The following DOCK10 variants were observed in gnomAD, a reference collection of about 807,000 sequenced individuals.
DOCK10 encodes dedicator of cytokinesis 10.
Under a neutral mutation model 280.1 loss-of-function variants are expected in DOCK10, and 145 were observed. The ratio of observed to expected loss-of-function variants is 0.52; its 90% CI spans 0.45 to 0.59. The LOEUF (loss-of-function observed/expected upper bound fraction) is 0.59. Ranked by LOEUF, DOCK10 falls within the 20% of genes least tolerant of loss-of-function variation. The probability of loss-of-function intolerance (pLI) is 0.00; values close to 1 mark genes in which losing one functional copy is unlikely to be tolerated. For missense variants in DOCK10, 2,368 were observed against 2,651.7 expected, an observed-to-expected ratio of 0.89 and a Z score of 2.35; for synonymous variants, 915 against 942.2, an observed-to-expected ratio of 0.97 and a Z score of 0.53.
intron 28 of DOCK10, 77 bp from the exon 29 acceptor site, chr2:224,819,606 A>T: frequency 1.1e-6 from 1 of 931,850 alleles, no homozygotes; most frequent in Admixed American, 2.7e-5. Context: ...ATGATTAAAT[A>T]TATTGAAGTA....
intron 1 of DOCK10, among the ~76,000 whole-genome samples, chr2:224,936,803 C>T (rs999459642): frequency 2.0e-5 from 3 of 152,056 alleles, no homozygotes; most frequent in African/African-American, 7.2e-5. Flanking sequence ...ACATGTATTG[C>T]TTTCCTCGTG....
intron 1 of DOCK10, among the ~76,000 whole-genome samples, chr2:225,023,019 A>G (rs1689823829): frequency 6.6e-6 from 1 of 152,142 alleles, no homozygotes; most frequent in Admixed American, 6.5e-5. Flanking sequence ...TAAATTAAAC[A>G]AATTTCCTCC....
intron 2 of DOCK10, among the ~76,000 whole-genome samples, chr2:224,926,662 T>C (rs930160413): frequency 1.3e-5 from 2 of 152,224 alleles, no homozygotes; most frequent in African/African-American, 2.4e-5. Context: ...TAAGGTGATA[T>C]GTTGAGTTGA....
rs566124628 is a variant in DOCK10, at chr2:225,039,244, T to G, written c.123+3008A>C. On this transcript the variant is annotated intron_variant, in intron 1 of 55. Coordinates refer to ENST00000258390, the MANE Select transcript of DOCK10 (RefSeq NM_014689.3). ...CTCCAGTTCTGATATGAGACAAATGTTTCTAATCATTTTCGGGCTGAAATT... is the reference window on the plus strand; with the variant it reads ...CTCCAGTTCTGATATGAGACAAATGGTTCTAATCATTTTCGGGCTGAAATT... 2.0e-5 allele frequency among the ~76,000 whole-genome samples: 3 copies of G among 152,328 alleles called. 1 individual carries two copies. In the East Asian group the frequency reaches 5.8e-4, roughly 29 times the overall value.
intron 25 of DOCK10, among the ~76,000 whole-genome samples, chr2:224,834,651 C>A (rs1033421008): frequency 6.6e-6 from 1 of 152,150 alleles, no homozygotes; most frequent in Non-Finnish European, 1.5e-5. Flanking sequence ...ACTCAAATAG[C>A]CAAGTGGGGA....
At chr2:224,961,678 T>C (rs1341710743) in intron 1 of DOCK10, among the ~76,000 whole-genome samples, 1 of 151,794 alleles carries the variant, frequency 6.6e-6, no homozygotes, top group East Asian at 1.9e-4. Flanking sequence ...AGCTAATTTT[T>C]GTATTTTTAG....
chr2:224,782,245 C>T (rs186430375), intron 50 of DOCK10, among the ~76,000 whole-genome samples: 253 of 152,306 alleles, frequency 1.7e-3, no homozygotes, highest in Non-Finnish European at 2.9e-3. Context: ...CTCCCCCAAA[C>T]TCCTTTTTTA....
intron 3 of DOCK10, among the ~76,000 whole-genome samples, chr2:224,896,581 G>C (rs1700000692): frequency 6.6e-6 from 1 of 152,110 alleles, no homozygotes; most frequent in Admixed American, 6.5e-5. Context: ...GCCGGGCCTG[G>C]TGGCGGGTGC....
chr2:224,883,533 T>G (rs538577147), intron 7 of DOCK10, among the ~76,000 whole-genome samples: 36 of 152,198 alleles, frequency 2.4e-4, no homozygotes, highest in Non-Finnish European at 4.4e-4. Flanking sequence ...AAATACACTA[T>G]CTCCCAGTTC....
At chr2:224,903,228 C>A (rs1299678283) in intron 3 of DOCK10, among the ~76,000 whole-genome samples, 4 of 152,240 alleles carry the variant, frequency 2.6e-5, no homozygotes, top group Non-Finnish European at 2.9e-5. Context: ...TCAGAAATCA[C>A]AGCACGATCT....
intron 14 of DOCK10, chr2:224,861,297 T>C (rs1012957728): frequency 2.0e-5 from 3 of 152,238 alleles, no homozygotes; most frequent in Non-Finnish European, 4.4e-5. Context: ...GCACTTGAGA[T>C]TGCACATACT....
At chr2:224,851,106 C>A (rs1696699427) in intron 18 of DOCK10, among the ~76,000 whole-genome samples, 1 of 152,132 alleles carries the variant, frequency 6.6e-6, no homozygotes. Context: ...CTATTCTGTC[C>A]AGCCCCAAAT....
intron 50 of DOCK10, among the ~76,000 whole-genome samples, chr2:224,781,563 A>C (rs1691339420): frequency 6.6e-6 from 1 of 152,224 alleles, no homozygotes; most frequent in African/African-American, 2.4e-5. Context: ...TGATTTACAA[A>C]CAGGGACACA....
intron 1 of DOCK10, among the ~76,000 whole-genome samples, chr2:225,001,897 C>G (rs1252312550): frequency 6.6e-6 from 1 of 152,148 alleles, no homozygotes; most frequent in Non-Finnish European, 1.5e-5. Context: ...AGGGCTCTGC[C>G]CTCATGACCT....
intron 30 of DOCK10, 63 bp downstream of exon 30, chr2:224,816,554 A>G (rs1269210455): frequency 2.0e-6 from 2 of 1,007,000 alleles, no homozygotes; most frequent in South Asian, 1.4e-5. Flanking sequence ...AACAAAAGGT[A>G]AAACGAACAA....
intron 1 of DOCK10, among the ~76,000 whole-genome samples, chr2:225,011,051 G>T (rs1215690310): frequency 6.6e-6 from 1 of 152,230 alleles, no homozygotes; most frequent in Admixed American, 6.5e-5. Context: ...AACAAGTCAT[G>T]AGTTTTCTGA....
intron 3 of DOCK10, among the ~76,000 whole-genome samples, chr2:224,912,987 G>C (rs762056729): frequency 1.3e-5 from 2 of 151,940 alleles, no homozygotes; most frequent in Non-Finnish European, 2.9e-5. Flanking sequence ...GATCGTGCCA[G>C]TGCTCTCCAG....
rs758537778 is a variant in DOCK10, at chr2:224,795,105, G to T, written c.4939-11C>A. The T allele has an allele frequency of 1.2e-6, 2 of 1,611,772 alleles. No individual in the cohort carries two copies. The highest frequency in any genetic ancestry group is 1.7e-6 in the Non-Finnish European group (2 of 1,178,008). On this transcript the variant is annotated splice_polypyrimidine_tract_variant and intron_variant, in intron 44 of 55. Transcript: ENST00000258390. ...TGGGAAATTGCTGTTCTTTGGAAAAGAGAGAGCCTGGGTCATTATCTGTTT... is the reference window on the plus strand; with the variant it reads ...TGGGAAATTGCTGTTCTTTGGAAAATAGAGAGCCTGGGTCATTATCTGTTT...
intron 1 of DOCK10, among the ~76,000 whole-genome samples, chr2:224,977,692 A>G (rs1317640119): frequency 6.6e-6 from 1 of 152,214 alleles, no homozygotes; most frequent in Non-Finnish European, 1.5e-5. Flanking sequence ...ACTTGACTGC[A>G]TCGTAACAGG....
Sources: gnomAD v4.1 joint callset for allele counts (sites outside exome capture counted in the v4.1 genomes callset) on GRCh38, gnomAD v4.1.1 for gene constraint, MANE v1.5 for transcripts, NCBI Gene and HGNC (gene_info 2026-07-23, HGNC 2026-07-21) for gene names.